ABHD3: variants seen among roughly 807,000 people sequenced by gnomAD.
The protein encoded by ABHD3 is abhydrolase domain containing 3, phospholipase, also known as phospholipase ABHD3.
ABHD3 carries 46 observed loss-of-function variants against 48.8 expected under a neutral mutation model. The ratio of observed to expected loss-of-function variants is 0.94; its 90% CI spans 0.74 to 1.20. ABHD3 has a LOEUF of 1.20. Among genes scored for constraint, ABHD3 ranks in the 50% most tolerant of loss-of-function variants. The pLI is 0.00. For synonymous variants in ABHD3, 192 were observed against 183.7 expected, an observed-to-expected ratio of 1.04 and a Z score of -0.36; for missense variants, 490 against 497.8, an observed-to-expected ratio of 0.98 and a Z score of 0.15.
At chr18:21,665,405 A>G (rs1199177109) in intron 4 of ABHD3, among the ~76,000 whole-genome samples, 2 of 151,796 alleles carry the variant, frequency 1.3e-5, no homozygotes, top group East Asian at 2.0e-4. Context: ...ATGCCTGGCA[A>G]ATTTTTTATT....
At position 21,702,296 on chromosome 18, in the gene ABHD3, AAG is replaced by A; in HGVS notation, c.509+18_509+19del. On this transcript the variant is annotated intron_variant, in intron 3 of 8. Coordinates refer to ENST00000289119, the MANE Select transcript of ABHD3 (RefSeq NM_138340.5). ...ATTTGGAATGGATCAAGTGAAAAAA[AAG>A]AAATCTTTTACTGGTACCTGTATCC... The A allele has an allele frequency of 1.3e-6, 2 of 1,545,020 alleles. No homozygotes were observed. The highest frequency in any genetic ancestry group is 1.8e-6 in the Non-Finnish European group (2 of 1,141,634).
intron 4 of ABHD3, among the ~76,000 whole-genome samples, chr18:21,665,262 G>C (rs2039595545): frequency 1.3e-5 from 2 of 151,432 alleles, no homozygotes; most frequent in Non-Finnish European, 2.9e-5. Context: ...ATTTTTTTGA[G>C]ACATGGTCCT....
chr18:21,663,417 T>C (rs576207545), intron 5 of ABHD3, among the ~76,000 whole-genome samples: 1 of 151,376 alleles, frequency 6.6e-6, no homozygotes, highest in East Asian at 1.9e-4. Flanking sequence ...AAATTCCCGA[T>C]AATAAAAATT....
intron 6 of ABHD3, among the ~76,000 whole-genome samples, chr18:21,658,855 T>TTC (rs1487610111): frequency 6.6e-6 from 1 of 151,614 alleles, no homozygotes; most frequent in Non-Finnish European, 1.5e-5. Flanking sequence ...TTTTTTTTTT[T>TTC]TGAGACGGAG....
At chr18:21,680,679 G>T (rs2039984036) in intron 4 of ABHD3, among the ~76,000 whole-genome samples, 2 of 151,982 alleles carry the variant, frequency 1.3e-5, no homozygotes, top group African/African-American at 4.8e-5. Context: ...CTTCCTGGAG[G>T]TTTTTCAAAA....
intron 3 of ABHD3, among the ~76,000 whole-genome samples, chr18:21,699,700 GAT>G (rs1477815000): frequency 6.6e-6 from 1 of 152,182 alleles, no homozygotes; most frequent in Non-Finnish European, 1.5e-5. Flanking sequence ...GTGTCTGTGA[GAT>G]AGAGTTTCGC....
chr18:21,700,436 T>C (rs2040481782), intron 3 of ABHD3, among the ~76,000 whole-genome samples: 3 of 149,786 alleles, frequency 2.0e-5, no homozygotes, highest in Admixed American at 1.3e-4. Context: ...TTTGCTCTTA[T>C]TGCCCAGGCT....
chr18:21,691,198 A>G (rs527484566), intron 3 of ABHD3, among the ~76,000 whole-genome samples: 15 of 152,212 alleles, frequency 9.9e-5, no homozygotes, highest in Non-Finnish European at 1.8e-4. Context: ...AGAACATTTC[A>G]TGATGATAAA....
Position 21,703,702 on chromosome 18 carries a change from G to C in ABHD3, c.208C>G (p.Gln70Glu). 6.2e-7 allele frequency: 1 copy of C among 1,614,122 alleles called. No individual in the cohort carries two copies. Among genetic ancestry groups the C allele is most frequent in the Non-Finnish European group, 8.5e-7 (1 of 1,180,024 alleles). The change falls in exon 2 of 9, where the codon CAA becomes GAA. Residue 70 changes from glutamine (Q) to glutamate (E), a missense_variant. Physicochemically the swap from Gln to Glu is conservative, Grantham distance 29. Transcript: ENST00000289119. ...TCTGTAACCACGGGACAGTGGTCTT[G>C]AAGGAAGCGGCTGAAACTCTCACCC... is the stretch of plus-strand genomic sequence containing the variant. ...TGGESFSRFL[Q>E]DHCPVVTETY...
chr18:21,698,647 G>A (rs2040440875), intron 3 of ABHD3, among the ~76,000 whole-genome samples: 1 of 151,776 alleles, frequency 6.6e-6, no homozygotes, highest in Non-Finnish European at 1.5e-5. Flanking sequence ...AACCATCTCG[G>A]CCCACTGCAA....
rs772939012 is a variant in ABHD3 at position 21,704,531 on chromosome 18, G to A, written c.135C>T (p.Ala45=). Reference sequence around the variant, plus strand: ...TGGCAATGCTGCTCAGGTAGTAGAAGGCATAAGCGACGCTGAAGCCCAGGA... The same window carrying A: ...TGGCAATGCTGCTCAGGTAGTAGAAAGCATAAGCGACGCTGAAGCCCAGGA... The part of the protein sequence containing the change: ...SLILGFSVAY[A]FYYLSSIAKK... Residue 45 remains alanine (A), a synonymous_variant, in exon 1 of 9, where the codon GCC becomes GCT. Coordinates refer to ENST00000289119, the MANE Select transcript of ABHD3 (RefSeq NM_138340.5). 1.3e-6 allele frequency: 2 copies of A among 1,505,526 alleles called. No homozygotes were observed. Among genetic ancestry groups the A allele is most frequent in the South Asian group, 2.5e-5 (2 of 78,952 alleles). The allele number at this position is 1,505,526 out of a possible 1,614,324, so 93.3% of individuals were successfully genotyped here.
At position 21,704,721 on chromosome 18, in the gene ABHD3, G is replaced by T. The variant is rs746091361; in HGVS notation, c.-56C>A. The stretch of plus-strand genomic sequence containing the variant: ...GCGGGAGGAGAGCCGGCTGGCGAGC[G>T]GGCGAGAGCGGGCGAGAGCGGACGC... On this transcript the variant is annotated 5_prime_UTR_variant, in exon 1 of 9. Transcript: ENST00000289119. 6 of 1,290,772 alleles carry T rather than the reference G, an allele frequency of 4.6e-6. No homozygotes were observed. The highest frequency in any genetic ancestry group is 6.0e-6 in the Non-Finnish European group (6 of 1,005,636). 80.0% of individuals were successfully genotyped at this position (1,290,772 alleles called of 1,614,324 possible).
chr18:21,685,964 T>C (rs932136329), intron 3 of ABHD3, among the ~76,000 whole-genome samples: 14 of 152,194 alleles, frequency 9.2e-5, no homozygotes, highest in Admixed American at 4.6e-4. Context: ...TCTCAAAGTG[T>C]TGGGATTACA....
chr18:21,667,234 C>CTTTTTTTTTT (rs745430805), intron 4 of ABHD3, among the ~76,000 whole-genome samples: 1 of 81,474 alleles, frequency 1.2e-5, no homozygotes, highest in African/African-American at 6.8e-5. Flanking sequence ...CCACCACACC[C>CTTTTTTTTTT]TTTTTTTTTT....
At chr18:21,686,467 G>A (rs987651531) in intron 3 of ABHD3, among the ~76,000 whole-genome samples, 2 of 152,182 alleles carry the variant, frequency 1.3e-5, no homozygotes, top group Non-Finnish European at 2.9e-5. Flanking sequence ...CTAGTGACGG[G>A]AAAGAAAAAG....
At chr18:21,672,518 C>A (rs1172169867) in intron 4 of ABHD3, among the ~76,000 whole-genome samples, 1 of 152,206 alleles carries the variant, frequency 6.6e-6, no homozygotes, top group Non-Finnish European at 1.5e-5. Flanking sequence ...ATTCCTCTCT[C>A]AAGTACTTAA....
At chr18:21,680,445 G>C (rs548575304) in intron 4 of ABHD3, among the ~76,000 whole-genome samples, 20 of 152,342 alleles carry the variant, frequency 1.3e-4, no homozygotes, top group African/African-American at 4.6e-4. Context: ...TAGCTGGTTA[G>C]TGGTGACAAC....
At chr18:21,694,478 G>A (rs992425111) in intron 3 of ABHD3, among the ~76,000 whole-genome samples, 1 of 152,184 alleles carries the variant, frequency 6.6e-6, no homozygotes, top group Non-Finnish European at 1.5e-5. Context: ...ATGATGAACG[G>A]TGACATCCTT....
chr18:21,674,936 G>C (rs1051698740), intron 4 of ABHD3, among the ~76,000 whole-genome samples: 1 of 152,032 alleles, frequency 6.6e-6, no homozygotes, highest in Non-Finnish European at 1.5e-5. Context: ...TGGAGGAACT[G>C]GAGGGATGGG....
Sources: gnomAD v4.1 joint callset for allele counts (sites outside exome capture counted in the v4.1 genomes callset) on GRCh38, gnomAD v4.1.1 for gene constraint, MANE v1.5 for transcripts, NCBI Gene and HGNC (gene_info 2026-07-23, HGNC 2026-07-21) for gene names.